The following PLCB1 variants were observed in gnomAD, a reference collection of about 807,000 sequenced individuals.
The protein encoded by PLCB1 is 1-phosphatidylinositol 4,5-bisphosphate phosphodiesterase beta-1.
A neutral mutation model predicts 161.8 loss-of-function variants in PLCB1; 46 were observed. The ratio of observed to expected loss-of-function variants is 0.28; its 90% CI spans 0.22 to 0.36. The LOEUF (loss-of-function observed/expected upper bound fraction) is 0.36, where lower values mean the gene tolerates loss of function less well. PLCB1 is among the 10% of genes least tolerant of loss of function. PLCB1 has a pLI of 1.00. For synonymous variants in PLCB1, 517 were observed against 503.7 expected (o/e 1.03, Z -0.35); for missense variants, 1,016 against 1,472.5 (o/e 0.69, Z 5.07).
intron 2 of PLCB1, among the ~76,000 whole-genome samples, chr20:8,317,662 G>A (rs1362443305): frequency 6.6e-6 from 1 of 152,170 alleles, no homozygotes; most frequent in African/African-American, 2.4e-5. Flanking sequence ...CTGTGAAGAT[G>A]AGCTCAACAT....
intron 2 of PLCB1, among the ~76,000 whole-genome samples, chr20:8,179,201 C>G (rs549443181): frequency 6.6e-6 from 1 of 151,974 alleles, no homozygotes; most frequent in African/African-American, 2.4e-5. Flanking sequence ...AGAATAGCAT[C>G]GAGTTTGTAC....
At chr20:8,282,302 T>G (rs921146761) in intron 2 of PLCB1, among the ~76,000 whole-genome samples, 1 of 152,162 alleles carries the variant, frequency 6.6e-6, no homozygotes, top group African/African-American at 2.4e-5. Flanking sequence ...TTCTTTCCCT[T>G]ATGATCCTAT....
intron 26 of PLCB1, among the ~76,000 whole-genome samples, chr20:8,772,070 G>A (rs1316901978): frequency 9.5e-4 from 97 of 101,592 alleles, no homozygotes; most frequent in African/African-American, 3.3e-3. Context: ...TTTTTTTTTA[G>A]AGGTGGGGTC....
intron 3 of PLCB1, among the ~76,000 whole-genome samples, chr20:8,399,149 T>C (rs1978433549): frequency 1.3e-5 from 2 of 151,912 alleles, no homozygotes; most frequent in South Asian, 4.1e-4. Flanking sequence ...GGAGGTTTTT[T>C]TTGTTTGTTT....
intron 2 of PLCB1, among the ~76,000 whole-genome samples, chr20:8,328,231 C>T (rs2122182578): frequency 1.3e-5 from 2 of 152,186 alleles, no homozygotes; most frequent in Middle Eastern, 3.4e-3. Context: ...TCAACCTGTA[C>T]ATGATAACAT....
At chr20:8,556,677 G>A (rs1985965781) in intron 3 of PLCB1, among the ~76,000 whole-genome samples, 1 of 151,040 alleles carries the variant, frequency 6.6e-6, no homozygotes, top group Non-Finnish European at 1.5e-5. Context: ...GTGTGTGTGT[G>A]TGTGTGTGTG....
At chr20:8,199,186 G>A (rs2052062807) in intron 2 of PLCB1, among the ~76,000 whole-genome samples, 1 of 152,052 alleles carries the variant, frequency 6.6e-6, no homozygotes, top group Non-Finnish European at 1.5e-5. Flanking sequence ...AGGCTGGACA[G>A]TAGCCCCTTC....
intron 27 of PLCB1, among the ~76,000 whole-genome samples, chr20:8,782,168 T>C (rs562088259): frequency 1.5e-4 from 23 of 152,338 alleles, no homozygotes; most frequent in African/African-American, 5.3e-4. Context: ...GAATATCTCA[T>C]AGAATGATCA....
At chr20:8,348,585 G>A (rs1477068601) in intron 2 of PLCB1, among the ~76,000 whole-genome samples, 1 of 152,198 alleles carries the variant, frequency 6.6e-6, no homozygotes, top group East Asian at 1.9e-4. Flanking sequence ...GGTTGTCAGA[G>A]AGAAAAAGCT....
In PLCB1 at chr20:8,415,441, A is replaced by G. The variant is rs150699631; in HGVS notation, c.246+43991A>G. Among the ~76,000 whole-genome samples the G allele has an allele frequency of 1.9e-3, 284 of 152,350 alleles. 2 individuals are homozygous for G. The highest frequency in any genetic ancestry group is 2.7e-3 in the Admixed American group (42 of 15,310). On this transcript the variant is annotated intron_variant, in intron 3 of 31. Transcript: ENST00000338037. ...ATTTGGCCCCTTTCCATAGGTCTTA[A>G]TTTGGAATCCTGCAAAAGCTGACTC...
rs184292990 is a variant in PLCB1 at position 8,319,010 on chromosome 20, T to C, written c.178-52372T>C. 2.1e-4 allele frequency among the ~76,000 whole-genome samples: 32 copies of C among 152,278 alleles called. No homozygotes were observed. The East Asian group carries it at 3.5e-3, about 17-fold the overall frequency. On this transcript the variant is annotated intron_variant, in intron 2 of 31. Coordinates refer to ENST00000338037, the MANE Select transcript of PLCB1 (RefSeq NM_015192.4). Reference sequence around the variant, plus strand: ...ACTGCCACTTAAAGTAGTCTGTGTTTAGCTGTATTACATTTATACCTACTC... The same window carrying C: ...ACTGCCACTTAAAGTAGTCTGTGTTCAGCTGTATTACATTTATACCTACTC...
intron 17 of PLCB1, among the ~76,000 whole-genome samples, chr20:8,727,602 G>A (rs749189773): frequency 3.3e-5 from 5 of 152,016 alleles, no homozygotes; most frequent in African/African-American, 4.8e-5. Context: ...TAAAGGAAGC[G>A]TAGATTTCAA....
intron 7 of PLCB1, among the ~76,000 whole-genome samples, chr20:8,653,828 T>C (rs1989382120): frequency 6.6e-6 from 1 of 152,074 alleles, no homozygotes. Context: ...AATATAGTCA[T>C]TGTGACCTCA....
At chr20:8,223,314 C>G (rs1370685870) in intron 2 of PLCB1, among the ~76,000 whole-genome samples, 1 of 152,096 alleles carries the variant, frequency 6.6e-6, no homozygotes, top group African/African-American at 2.4e-5. Flanking sequence ...ATCACTCTGT[C>G]CTGAGTAAGA....
Position 8,319,014 on chromosome 20 carries a change from T to C in PLCB1, c.178-52368T>C, listed in dbSNP as rs1308223638. 3.3e-5 allele frequency among the ~76,000 whole-genome samples: 5 copies of C among 152,160 alleles called. No individual in the cohort carries two copies. In the East Asian group the frequency reaches 7.7e-4, roughly 23 times the overall value. Reference sequence around the variant, plus strand: ...CCACTTAAAGTAGTCTGTGTTTAGCTGTATTACATTTATACCTACTCAACT... The same window carrying C: ...CCACTTAAAGTAGTCTGTGTTTAGCCGTATTACATTTATACCTACTCAACT... On this transcript the variant is annotated intron_variant, in intron 2 of 31. Transcript: ENST00000338037.
chr20:8,477,310 A>G (rs1228514656), intron 3 of PLCB1, among the ~76,000 whole-genome samples: 2 of 152,214 alleles, frequency 1.3e-5, no homozygotes, highest in Non-Finnish European at 2.9e-5. Flanking sequence ...GTAAGGTATT[A>G]AAAGTCTCCT....
intron 1 of PLCB1, among the ~76,000 whole-genome samples, chr20:8,133,537 C>T (rs917370278): frequency 1.3e-5 from 2 of 152,190 alleles, no homozygotes; most frequent in African/African-American, 4.8e-5. Context: ...CCTAGCCCAG[C>T]GCCGGGGTCT....
intron 3 of PLCB1, among the ~76,000 whole-genome samples, chr20:8,620,347 A>G (rs1409418057): frequency 6.6e-6 from 1 of 152,174 alleles, no homozygotes; most frequent in Non-Finnish European, 1.5e-5. Context: ...TATTATCCTC[A>G]TCCCACAGTT....
At chr20:8,664,963 G>C (rs1989773040) in intron 9 of PLCB1, among the ~76,000 whole-genome samples, 1 of 152,062 alleles carries the variant, frequency 6.6e-6, no homozygotes, top group South Asian at 2.1e-4. Flanking sequence ...CCTGAAGGAT[G>C]GGATAAAAAT....
Sources: gnomAD v4.1 joint callset for allele counts (sites outside exome capture counted in the v4.1 genomes callset) on GRCh38, gnomAD v4.1.1 for gene constraint, MANE v1.5 for transcripts, NCBI Gene and HGNC (gene_info 2026-07-23, HGNC 2026-07-21) for gene names.